DNAH3: variants seen among roughly 807,000 people sequenced by gnomAD.
The protein encoded by DNAH3 is axonemal beta dynein heavy chain 3.
A neutral mutation model predicts 432.5 loss-of-function variants in DNAH3; 332 were observed. The ratio of observed to expected loss-of-function variants is 0.77; its 90% CI spans 0.70 to 0.84. The LOEUF (loss-of-function observed/expected upper bound fraction) is 0.84, where lower values mean the gene tolerates loss of function less well. Among genes scored for constraint, DNAH3 ranks in the 40% least tolerant of loss-of-function variants. DNAH3 has a pLI of 0.00. For missense variants in DNAH3, 4,861 were observed against 5,114.0 expected (o/e 0.95, Z 1.51); for synonymous variants, 1,956 against 1,900.2 (o/e 1.03, Z -0.76).
intron 24 of DNAH3, among the ~76,000 whole-genome samples, chr16:21,066,499 C>T (rs142927394): frequency 5.3e-5 from 8 of 152,264 alleles, no homozygotes; most frequent in Non-Finnish European, 8.8e-5. Context: ...TCCAGAGTAG[C>T]TGGGACCATG....
chr16:21,150,362 G>T (rs1029921006), intron 1 of DNAH3: 9 of 447,758 alleles, frequency 2.0e-5, no homozygotes, highest in Non-Finnish European at 3.6e-5. Context: ...AATGAATAAA[G>T]AGCTTTCAGC....
chr16:21,140,857 C>T (rs184585965), intron 4 of DNAH3, 147 bp from the exon 6 acceptor site: 1 of 655,756 alleles, frequency 1.5e-6, no homozygotes, highest in Non-Finnish European at 2.6e-6. Context: ...GTGTATACTT[C>T]CAAGATGACC....
intron 20 of DNAH3, among the ~76,000 whole-genome samples, chr16:21,078,734 G>T (rs759844743): frequency 6.6e-6 from 1 of 152,120 alleles, no homozygotes; most frequent in Non-Finnish European, 1.5e-5. Flanking sequence ...AACAGATGAG[G>T]GACTAATCAG....
At chr16:20,980,260 TTATA>T (rs2085816939) in intron 49 of DNAH3, among the ~76,000 whole-genome samples, 1 of 129,028 alleles carries the variant, frequency 7.8e-6, no homozygotes, top group Non-Finnish European at 1.7e-5. Flanking sequence ...ACATCATATA[TTATA>T]TTATAATATA....
chr16:21,013,731 A>C (rs1005163439), intron 41 of DNAH3, among the ~76,000 whole-genome samples: 1 of 151,356 alleles, frequency 6.6e-6, no homozygotes, highest in Non-Finnish European at 1.5e-5. Flanking sequence ...AAAAAAAAAA[A>C]AAAAAAAAAC....
chr16:21,055,253 G>C (rs530663826), intron 27 of DNAH3, among the ~76,000 whole-genome samples: 1 of 152,202 alleles, frequency 6.6e-6, no homozygotes, highest in South Asian at 2.1e-4. Flanking sequence ...ATGGGGTTTT[G>C]CCATGTTGGC....
chr16:21,040,989 T>C (rs1429529700), intron 32 of DNAH3, among the ~76,000 whole-genome samples: 1 of 152,116 alleles, frequency 6.6e-6, no homozygotes, highest in Non-Finnish European at 1.5e-5. Flanking sequence ...TACTATCCCA[T>C]GGCATTGTGA....
At chr16:20,936,545 TG>T in intron 60 of DNAH3, 103 bp downstream of exon 60, 2 of 983,626 alleles carry the variant, frequency 2.0e-6, no homozygotes, top group Non-Finnish European at 3.0e-6. Flanking sequence ...GGATGTTCTG[TG>T]GCTGCCTGCC....
chr16:20,977,221 G>T (rs1177574996), intron 50 of DNAH3, among the ~76,000 whole-genome samples: 1 of 151,920 alleles, frequency 6.6e-6, no homozygotes, highest in African/African-American at 2.4e-5. Context: ...TACTAAAAAC[G>T]CAAAAATTAG....
chr16:20,970,355 C>G (rs1440081938), intron 51 of DNAH3, among the ~76,000 whole-genome samples: 2 of 152,178 alleles, frequency 1.3e-5, no homozygotes, highest in African/African-American at 4.8e-5. Context: ...AAAACCCTGT[C>G]TCTACTAAAA....
At chr16:20,987,543 T>A in intron 46 of DNAH3, 95 bp from the exon 47 acceptor site, 2 of 1,552,400 alleles carry the variant, frequency 1.3e-6, no homozygotes, top group Non-Finnish European at 8.8e-7. Context: ...GATTTGAGGA[T>A]TGAACTAGAT....
At chr16:21,138,606 T>C (rs2092676051) in intron 5 of DNAH3, among the ~76,000 whole-genome samples, 1 of 152,012 alleles carries the variant, frequency 6.6e-6, no homozygotes, top group African/African-American at 2.4e-5. Flanking sequence ...AGGTCAGGAG[T>C]TCGAGACCAG....
chr16:21,031,970 G>A (rs964622131), intron 36 of DNAH3, among the ~76,000 whole-genome samples: 1 of 151,968 alleles, frequency 6.6e-6, no homozygotes, highest in African/African-American at 2.4e-5. Context: ...GGGAGGTGGA[G>A]GTTGCAGTAA....
chr16:21,019,944 T>C (rs2088073891), intron 40 of DNAH3, 75 bp from the exon 41 acceptor site: 2 of 1,565,014 alleles, frequency 1.3e-6, no homozygotes, highest in South Asian at 1.2e-5. Context: ...CTGGTTGGCT[T>C]TGCCTTTGAA....
chr16:21,153,640 A>G (rs1172459071), intron 1 of DNAH3, among the ~76,000 whole-genome samples: 1 of 152,162 alleles, frequency 6.6e-6, no homozygotes, highest in East Asian at 1.9e-4. Flanking sequence ...ACTCACGGTG[A>G]AGGTCTGCAG....
At chr16:21,017,743 T>C (rs901930659) in intron 41 of DNAH3, among the ~76,000 whole-genome samples, 12 of 152,194 alleles carry the variant, frequency 7.9e-5, no homozygotes, top group African/African-American at 2.9e-4. Context: ...ATCTGACAGA[T>C]GGCCATGTAT....
chr16:20,993,354 T>A (rs568066434), intron 44 of DNAH3, among the ~76,000 whole-genome samples: 3 of 152,196 alleles, frequency 2.0e-5, no homozygotes, highest in African/African-American at 7.2e-5. Flanking sequence ...AATAACCATA[T>A]ATTTAATGCT....
chr16:21,082,671 A>ATACAAAAATTAGCTGGG (rs2152775040), intron 19 of DNAH3, among the ~76,000 whole-genome samples: 1 of 152,128 alleles, frequency 6.6e-6, no homozygotes, highest in African/African-American at 2.4e-5. Context: ...TCTACTAAAA[A>ATACAAAAATTAGCTGGG]TACAAAAATT....
intron 16 of DNAH3, among the ~76,000 whole-genome samples, chr16:21,099,981 C>T (rs1225868277): frequency 6.6e-6 from 1 of 152,184 alleles, no homozygotes; most frequent in Admixed American, 6.5e-5. Flanking sequence ...GCTATAGTGA[C>T]ATTTCATAAA....
Sources: allele counts gnomAD v4.1 joint callset (sites outside exome capture counted in the v4.1 genomes callset), GRCh38; gene constraint gnomAD v4.1.1; transcripts MANE v1.5; gene names NCBI Gene and HGNC (gene_info 2026-07-23, HGNC 2026-07-21).